The following FHIT variants were observed in gnomAD, a reference collection of about 807,000 sequenced individuals.
FHIT encodes the protein bis(5'-adenosyl)-triphosphatase.
A neutral mutation model predicts 17.9 loss-of-function variants in FHIT; 19 were observed. That is an observed-to-expected ratio of 1.06 (90% CI 0.74 to 1.56). FHIT has a LOEUF of 1.56. Ranked by LOEUF, FHIT falls within the 40% of genes most tolerant of loss-of-function variation. The pLI, the probability that FHIT is intolerant of heterozygous loss-of-function variation, is 0.00. For synonymous variants in FHIT, 81 were observed against 69.7 expected, an observed-to-expected ratio of 1.16 and a Z score of -0.81; for missense variants, 248 against 189.2, an observed-to-expected ratio of 1.31 and a Z score of -1.82.
At chr3:60,440,245 G>A (rs2030673316) in intron 5 of FHIT, among the ~76,000 whole-genome samples, 1 of 152,066 alleles carries the variant, frequency 6.6e-6, no homozygotes, top group African/African-American at 2.4e-5. Flanking sequence ...TATCTTCCCA[G>A]TCATCAGTTC....
At chr3:60,381,838 G>C (rs1308811304) in intron 5 of FHIT, among the ~76,000 whole-genome samples, 1 of 151,682 alleles carries the variant, frequency 6.6e-6, no homozygotes, top group East Asian at 1.9e-4. Context: ...CTCTGGGTAT[G>C]GCGTGTTCAG....
intron 5 of FHIT, among the ~76,000 whole-genome samples, chr3:60,237,000 C>T (rs535585792): frequency 1.3e-5 from 2 of 152,180 alleles, no homozygotes; most frequent in South Asian, 4.1e-4. Context: ...AGGAACATAC[C>T]TCATCCACTT....
intron 5 of FHIT, among the ~76,000 whole-genome samples, chr3:60,304,108 A>G (rs570208226): frequency 1.6e-4 from 25 of 152,148 alleles, no homozygotes; most frequent in African/African-American, 5.8e-4. Context: ...GATGTTCTAG[A>G]GCATGCCTGA....
intron 1 of FHIT, among the ~76,000 whole-genome samples, chr3:61,212,033 T>C (rs2039494851): frequency 6.6e-6 from 1 of 151,928 alleles, no homozygotes; most frequent in Non-Finnish European, 1.5e-5. Flanking sequence ...CAAAAGTAGA[T>C]AAAACCACAA....
intron 5 of FHIT, among the ~76,000 whole-genome samples, chr3:60,186,842 CT>C (rs1351165374): frequency 6.6e-6 from 1 of 151,346 alleles, no homozygotes; most frequent in Non-Finnish European, 1.5e-5. Context: ...ATACCACCAT[CT>C]TTTCATTTTC....
At chr3:61,198,415 G>A (rs2038914392) in intron 2 of FHIT, among the ~76,000 whole-genome samples, 1 of 152,086 alleles carries the variant, frequency 6.6e-6, no homozygotes, top group African/African-American at 2.4e-5. Flanking sequence ...CCATCCATAG[G>A]CAGGGTGCAG....
At chr3:59,807,753 G>C (rs1487840045) in intron 8 of FHIT, among the ~76,000 whole-genome samples, 2 of 152,170 alleles carry the variant, frequency 1.3e-5, no homozygotes, top group African/African-American at 2.4e-5. Flanking sequence ...GTAGTCATGA[G>C]AAGTGGAGAT....
chr3:60,585,701 G>A (rs1483310945), intron 4 of FHIT, among the ~76,000 whole-genome samples: 2 of 151,860 alleles, frequency 1.3e-5, no homozygotes, highest in South Asian at 2.1e-4. Flanking sequence ...CACACCTTCC[G>A]GTCATCTATT....
At chr3:60,458,324 G>C (rs1006617801) in intron 5 of FHIT, among the ~76,000 whole-genome samples, 27 of 151,802 alleles carry the variant, frequency 1.8e-4, no homozygotes, top group Non-Finnish European at 2.8e-4. Context: ...AGCAAACTAT[G>C]GCAAGGACAA....
chr3:61,153,806 C>A (rs533117950), intron 2 of FHIT, among the ~76,000 whole-genome samples: 1 of 152,188 alleles, frequency 6.6e-6, no homozygotes, highest in East Asian at 1.9e-4. Flanking sequence ...ATAGCCTAGG[C>A]CTCGAGGTAT....
In FHIT at chr3:61,169,124, T is replaced by C. The variant is rs577730997; in HGVS notation, c.-164+31493A>G. ...TTTCAACGAAAACCTACACATCATCTATAAACACACTCTTTCCAGCTGTCT... is the reference window on the plus strand; with the variant it reads ...TTTCAACGAAAACCTACACATCATCCATAAACACACTCTTTCCAGCTGTCT... On this transcript the variant is annotated intron_variant, in intron 2 of 9. Transcript: ENST00000492590. Among the ~76,000 whole-genome samples the C allele has an allele frequency of 6.6e-4, 100 of 152,244 alleles. No homozygotes were observed. In the South Asian group the frequency reaches 8.7e-3, roughly 13 times the overall value.
chr3:60,086,937 G>T lies in FHIT; in HGVS notation c.104-72785C>A, dbSNP rs145391007. 7.7e-3 allele frequency among the ~76,000 whole-genome samples: 1,166 copies of T among 152,324 alleles called. 14 individuals carry two copies. Among genetic ancestry groups the T allele is most frequent in the African/African-American group, 0.026 (1,090 of 41,584 alleles). ...TAGCTCCACTAGGAACCCTGATAGAGATTCTGTGGTGGCTGCACCTCTGTG... is the reference window on the plus strand; with the variant it reads ...TAGCTCCACTAGGAACCCTGATAGATATTCTGTGGTGGCTGCACCTCTGTG... On this transcript the variant is annotated intron_variant, in intron 5 of 9. Transcript: ENST00000492590.
At chr3:59,953,697 G>A (rs1707243205) in intron 7 of FHIT, among the ~76,000 whole-genome samples, 1 of 152,156 alleles carries the variant, frequency 6.6e-6, no homozygotes, top group African/African-American at 2.4e-5. Flanking sequence ...TAAAACCACT[G>A]CTGACACCTA....
At chr3:60,610,198 T>TA (rs2038741889) in intron 4 of FHIT, among the ~76,000 whole-genome samples, 2 of 152,180 alleles carry the variant, frequency 1.3e-5, no homozygotes, top group Admixed American at 6.6e-5. Context: ...TGGGAAGAGT[T>TA]AAAAAATGCC....
chr3:60,249,364 CT>C (rs1705569916), intron 5 of FHIT, among the ~76,000 whole-genome samples: 1 of 152,068 alleles, frequency 6.6e-6, no homozygotes, highest in African/African-American at 2.4e-5. Flanking sequence ...GAAACAGCGT[CT>C]TCTCCTCCTC....
chr3:60,097,881 C>T (rs1366006183), intron 5 of FHIT, among the ~76,000 whole-genome samples: 1 of 117,020 alleles, frequency 8.5e-6, no homozygotes, highest in Non-Finnish European at 1.7e-5. Flanking sequence ...CACCCCACAA[C>T]AGGCCCCGGT....
At chr3:60,770,081 T>C (rs1699989851) in intron 4 of FHIT, among the ~76,000 whole-genome samples, 1 of 152,168 alleles carries the variant, frequency 6.6e-6, no homozygotes, top group African/African-American at 2.4e-5. Context: ...ATACCTACCA[T>C]GCAGGTAAAT....
chr3:59,894,054 A>C (rs530143137), intron 8 of FHIT, among the ~76,000 whole-genome samples: 1 of 152,258 alleles, frequency 6.6e-6, no homozygotes, highest in Admixed American at 6.5e-5. Flanking sequence ...ATCACTTTAG[A>C]CCAGCCTGGG....
intron 7 of FHIT, among the ~76,000 whole-genome samples, chr3:59,941,378 C>T (rs1024595107): frequency 1.3e-5 from 2 of 152,150 alleles, no homozygotes; most frequent in Non-Finnish European, 2.9e-5. Flanking sequence ...CCTTTACCCA[C>T]CTCTCACTGT....
Sources: gnomAD v4.1 joint callset for allele counts (sites outside exome capture counted in the v4.1 genomes callset) on GRCh38, gnomAD v4.1.1 for gene constraint, MANE v1.5 for transcripts, NCBI Gene and HGNC (gene_info 2026-07-23, HGNC 2026-07-21) for gene names.